GABRB1: variants seen among roughly 807,000 people sequenced by gnomAD.
GABRB1 encodes the protein gamma-aminobutyric acid type A receptor subunit beta1, also known as gamma-aminobutyric acid receptor subunit beta-1.
GABRB1 carries 17 observed loss-of-function variants against 51.6 expected under a neutral mutation model. The ratio of observed to expected loss-of-function variants is 0.33; its 90% CI spans 0.23 to 0.49. The LOEUF is 0.49. Ranked by LOEUF, GABRB1 falls within the 20% of genes least tolerant of loss-of-function variation. GABRB1 has a pLI of 0.99. For synonymous variants in GABRB1, 247 were observed against 218.9 expected, an observed-to-expected ratio of 1.13 and a Z score of -1.14; for missense variants, 410 against 600.6, an observed-to-expected ratio of 0.68 and a Z score of 3.32.
chr4:47,059,892 C>T (rs867889882), intron 3 of GABRB1, among the ~76,000 whole-genome samples: 1 of 152,150 alleles, frequency 6.6e-6, no homozygotes, highest in Non-Finnish European at 1.5e-5. Flanking sequence ...AAAATCTACC[C>T]GCTGTCAAAC....
At chr4:47,371,243 C>T (rs182885657) in intron 5 of GABRB1, among the ~76,000 whole-genome samples, 1 of 152,296 alleles carries the variant, frequency 6.6e-6, no homozygotes, top group East Asian at 1.9e-4. Context: ...CAGTCTCATC[C>T]ATGGCCCTGG....
chr4:47,376,764 T>TGGAA (rs906698616), intron 5 of GABRB1, among the ~76,000 whole-genome samples: 2 of 152,006 alleles, frequency 1.3e-5, no homozygotes, highest in African/African-American at 4.8e-5. Context: ...TGGAAGGAAA[T>TGGAA]GGAAGAGGCA....
intron 4 of GABRB1, among the ~76,000 whole-genome samples, chr4:47,300,442 GTTTA>G (rs1037791677): frequency 1.2e-4 from 18 of 151,848 alleles, no homozygotes; most frequent in Admixed American, 1.2e-3. Flanking sequence ...TAATGATCCA[GTTTA>G]TTTAAACACA....
At chr4:47,050,577 T>C (rs973970572) in intron 3 of GABRB1, among the ~76,000 whole-genome samples, 1 of 152,162 alleles carries the variant, frequency 6.6e-6, no homozygotes, top group African/African-American at 2.4e-5. Flanking sequence ...TGAATAAGAA[T>C]TTATAAATAC....
At chr4:47,064,075 A>G (rs1726953628) in intron 3 of GABRB1, among the ~76,000 whole-genome samples, 1 of 152,230 alleles carries the variant, frequency 6.6e-6, no homozygotes, top group East Asian at 1.9e-4. Flanking sequence ...AATTAAAAAA[A>G]TAATACATGA....
chr4:47,069,288 A>C (rs894390787), intron 3 of GABRB1, among the ~76,000 whole-genome samples: 2 of 152,086 alleles, frequency 1.3e-5, no homozygotes, highest in African/African-American at 4.8e-5. Flanking sequence ...ATATTCCTCA[A>C]ATCTGTCCTA....
chr4:47,336,977 G>A (rs908804716), intron 5 of GABRB1, among the ~76,000 whole-genome samples: 4 of 152,298 alleles, frequency 2.6e-5, no homozygotes, highest in African/African-American at 9.6e-5. Flanking sequence ...TAATCCGCAT[G>A]TATATTGGAT....
chr4:47,187,570 G>T (rs761022241), intron 4 of GABRB1, among the ~76,000 whole-genome samples: 1 of 151,810 alleles, frequency 6.6e-6, no homozygotes, highest in African/African-American at 2.4e-5. Flanking sequence ...ACAATTTAGC[G>T]TGAAATTATA....
upstream of GABRB1, among the ~76,000 whole-genome samples, chr4:47,026,871 T>C (rs1725111302): frequency 6.6e-6 from 1 of 152,060 alleles, no homozygotes; most frequent in African/African-American, 2.4e-5. Context: ...ATTAATAACG[T>C]ACTAGAAAAG....
chr4:47,069,239 T>G (rs1281400001), intron 3 of GABRB1, among the ~76,000 whole-genome samples: 1 of 152,158 alleles, frequency 6.6e-6, no homozygotes, highest in East Asian at 1.9e-4. Context: ...AACTCTTTCT[T>G]CCCTGAGTCA....
At chr4:47,080,330 G>T (rs1368432743) in intron 3 of GABRB1, among the ~76,000 whole-genome samples, 1 of 151,338 alleles carries the variant, frequency 6.6e-6, no homozygotes, top group African/African-American at 2.4e-5. Context: ...GTCCTGTCTT[G>T]AATGTCATTA....
At chr4:47,244,113 A>T (rs1359679194) in intron 4 of GABRB1, among the ~76,000 whole-genome samples, 2 of 152,160 alleles carry the variant, frequency 1.3e-5, no homozygotes, top group African/African-American at 4.8e-5. Flanking sequence ...AATTTTGTCG[A>T]AGGCCTTTTC....
intron 5 of GABRB1, among the ~76,000 whole-genome samples, chr4:47,349,354 G>T (rs1005388410): frequency 6.6e-6 from 1 of 152,096 alleles, no homozygotes; most frequent in Non-Finnish European, 1.5e-5. Context: ...CCAGAGAAAT[G>T]GGAGGAAAAC....
At chr4:47,113,002 A>T (rs966653399) in intron 3 of GABRB1, among the ~76,000 whole-genome samples, 3 of 151,986 alleles carry the variant, frequency 2.0e-5, no homozygotes, top group Non-Finnish European at 4.4e-5. Context: ...CTACTTCTGT[A>T]TTAGGCTTGA....
intron 3 of GABRB1, among the ~76,000 whole-genome samples, chr4:47,102,583 A>G (rs1714769679): frequency 6.6e-6 from 1 of 152,014 alleles, no homozygotes; most frequent in Non-Finnish European, 1.5e-5. Flanking sequence ...GTCCTGAAGC[A>G]CAGGTGGGAG....
intron 4 of GABRB1, among the ~76,000 whole-genome samples, chr4:47,258,234 G>A (rs534652134): frequency 6.6e-6 from 1 of 152,114 alleles, no homozygotes; most frequent in Admixed American, 6.6e-5. Flanking sequence ...GAAAACAGAT[G>A]GATGTTCAAC....
intron 4 of GABRB1, among the ~76,000 whole-genome samples, chr4:47,291,970 G>C (rs1191520274): frequency 6.6e-6 from 1 of 152,212 alleles, no homozygotes. Flanking sequence ...GGACTGTTGG[G>C]AAGGCATGAT....
intron 3 of GABRB1, among the ~76,000 whole-genome samples, chr4:47,123,306 A>ATTAT (rs1381144902): frequency 7.4e-6 from 1 of 134,270 alleles, no homozygotes; most frequent in African/African-American, 2.8e-5. Context: ...TATAATATGT[A>ATTAT]TTATATAATA....
intron 4 of GABRB1, among the ~76,000 whole-genome samples, chr4:47,167,764 G>T (rs577904740): frequency 1.3e-5 from 2 of 152,024 alleles, no homozygotes; most frequent in African/African-American, 4.8e-5. Context: ...TTTGTCTCCC[G>T]TGCCCACTTT....
Sources: gnomAD v4.1 joint callset for allele counts (sites outside exome capture counted in the v4.1 genomes callset) on GRCh38, gnomAD v4.1.1 for gene constraint, MANE v1.5 for transcripts, NCBI Gene and HGNC (gene_info 2026-07-23, HGNC 2026-07-21) for gene names.